DSCAM: variants seen among roughly 807,000 people sequenced by gnomAD.
DSCAM encodes the protein DS cell adhesion molecule.
DSCAM carries 47 observed loss-of-function variants against 217.7 expected under a neutral mutation model. The observed-to-expected ratio is 0.22, with a 90% CI of 0.17 to 0.28. The LOEUF (loss-of-function observed/expected upper bound fraction) is 0.28, where lower values mean the gene tolerates loss of function less well. Ranked by LOEUF, DSCAM falls within the 10% of genes least tolerant of loss-of-function variation. The probability of loss-of-function intolerance (pLI) is 1.00; values close to 1 mark genes in which losing one functional copy is unlikely to be tolerated. For synonymous variants in DSCAM, 1,056 were observed against 1,015.3 expected (o/e 1.04, Z -0.76); for missense variants, 2,080 against 2,618.3 (o/e 0.79, Z 4.49).
At position 40,295,555 on chromosome 21, in the gene DSCAM, C is replaced by T. The variant is rs772081317; in HGVS notation, c.2182+500G>A. ...GGCGTGTTTGTTTTTAAAAAGAGCA[C>T]GCCAAGGAGATGACGTGTAATCTGT... On this transcript the variant is annotated intron_variant, in intron 10 of 32. Transcript: ENST00000400454. Among the ~76,000 whole-genome samples the T allele has an allele frequency of 6.6e-5, 10 of 152,114 alleles. No individual in the cohort carries two copies. The South Asian group carries it at 1.9e-3, about 29-fold the overall frequency.
At chr21:40,369,996 C>T (rs931603783) in intron 3 of DSCAM, among the ~76,000 whole-genome samples, 1 of 152,138 alleles carries the variant, frequency 6.6e-6, no homozygotes, top group African/African-American at 2.4e-5. Flanking sequence ...AAAACAATGT[C>T]CTATCTGTAA....
intron 20 of DSCAM, among the ~76,000 whole-genome samples, chr21:40,118,135 C>A (rs941599533): frequency 6.6e-6 from 1 of 152,080 alleles, no homozygotes; most frequent in African/African-American, 2.4e-5. Flanking sequence ...GTAAAAACTG[C>A]GAAGTCATCC....
chr21:40,067,467 T>C (rs2089224094), intron 27 of DSCAM, among the ~76,000 whole-genome samples: 1 of 152,206 alleles, frequency 6.6e-6, no homozygotes, highest in Non-Finnish European at 1.5e-5. Context: ...GCTTCCCTAA[T>C]TTTTTAAGTG....
intron 11 of DSCAM, among the ~76,000 whole-genome samples, chr21:40,197,749 T>C (rs879143189): frequency 1.3e-5 from 2 of 152,138 alleles, no homozygotes; most frequent in African/African-American, 4.8e-5. Flanking sequence ...TTTCATATCA[T>C]GAGCTTGCAG....
At chr21:40,565,297 G>A (rs1248322839) in intron 3 of DSCAM, among the ~76,000 whole-genome samples, 1 of 152,154 alleles carries the variant, frequency 6.6e-6, no homozygotes, top group African/African-American at 2.4e-5. Flanking sequence ...CCATGAAGAG[G>A]AAGTTCTACT....
chr21:40,518,575 TACACA>T, intron 3 of DSCAM, among the ~76,000 whole-genome samples: 4 of 85,778 alleles, frequency 4.7e-5, no homozygotes, highest in African/African-American at 2.4e-4. Context: ...CATATATACA[TACACA>T]CACATATACA....
At chr21:40,529,541 C>CA (rs2146105366) in intron 3 of DSCAM, among the ~76,000 whole-genome samples, 1 of 152,206 alleles carries the variant, frequency 6.6e-6, no homozygotes, top group African/African-American at 2.4e-5. Context: ...ATCCCATCCT[C>CA]AGAGACTCAC....
chr21:40,265,214 AAAG>A (rs1308309956), intron 11 of DSCAM, among the ~76,000 whole-genome samples: 1 of 150,790 alleles, frequency 6.6e-6, no homozygotes, highest in Non-Finnish European at 1.5e-5. Context: ...AAGAAAAAAA[AAAG>A]AACTCAACCC....
intron 11 of DSCAM, among the ~76,000 whole-genome samples, chr21:40,265,290 C>T (rs957175309): frequency 6.6e-6 from 1 of 151,348 alleles, no homozygotes; most frequent in African/African-American, 2.4e-5. Flanking sequence ...ATATACTCTA[C>T]CAAGGAGGTG....
intron 3 of DSCAM, among the ~76,000 whole-genome samples, chr21:40,628,037 T>C (rs1355009250): frequency 6.6e-6 from 1 of 152,220 alleles, no homozygotes; most frequent in Non-Finnish European, 1.5e-5. Context: ...ACCACCTTGT[T>C]GTGTATTTAG....
intron 3 of DSCAM, among the ~76,000 whole-genome samples, chr21:40,487,326 TG>T (rs2076039014): frequency 1.4e-5 from 1 of 72,788 alleles, no homozygotes; most frequent in African/African-American, 7.4e-5. Context: ...TGTGTGTGTG[TG>T]AGAGAGAGAG....
chr21:40,354,245 T>C (rs1478501454), intron 4 of DSCAM, among the ~76,000 whole-genome samples: 2 of 152,176 alleles, frequency 1.3e-5, no homozygotes, highest in Non-Finnish European at 2.9e-5. Flanking sequence ...AAGCCAAACA[T>C]ATAATGTGAT....
intron 3 of DSCAM, among the ~76,000 whole-genome samples, chr21:40,646,428 A>G (rs4818147): frequency 0.36 from 53,361 of 146,668 alleles, 10,406 homozygotes; most frequent in Admixed American, 0.5. Context: ...AAAAAAAAAA[A>G]GGGGGGCTGT....
chr21:40,359,527 G>A (rs1315281413), intron 4 of DSCAM, among the ~76,000 whole-genome samples: 1 of 152,170 alleles, frequency 6.6e-6, no homozygotes, highest in East Asian at 1.9e-4. Flanking sequence ...AGGTACAAAT[G>A]TCCATAGCAG....
At chr21:40,302,616 A>C (rs2074029411) in intron 9 of DSCAM, among the ~76,000 whole-genome samples, 1 of 152,180 alleles carries the variant, frequency 6.6e-6, no homozygotes, top group South Asian at 2.1e-4. Context: ...ATATGGCTAA[A>C]CTTGCCAAAC....
intron 3 of DSCAM, among the ~76,000 whole-genome samples, chr21:40,682,622 A>AGAAT: frequency 2.2e-5 from 1 of 45,426 alleles, no homozygotes; most frequent in Non-Finnish European, 5.0e-5. Context: ...AAAGAGAAAG[A>AGAAT]GAAAGAGAGA....
chr21:40,591,512 G>A (rs1021346672), intron 3 of DSCAM, among the ~76,000 whole-genome samples: 5 of 152,146 alleles, frequency 3.3e-5, no homozygotes, highest in Admixed American at 6.5e-5. Context: ...TTCTATCCCA[G>A]TATGACAGAC....
At position 40,143,479 on chromosome 21, in the gene DSCAM, T is replaced by A. The variant is rs532187716; in HGVS notation, c.3260-775A>T. On this transcript the variant is annotated intron_variant, in intron 17 of 32. Transcript: ENST00000400454. ...AATTGTCAGATATTACAGGTGCAAG[T>A]CCTATCTGCCTCCGCAAACCTGTGA... Among the ~76,000 whole-genome samples, 3 of 152,338 alleles carry A rather than the reference T, an allele frequency of 2.0e-5. No homozygotes were observed. In the East Asian group the frequency reaches 5.8e-4, roughly 29 times the overall value.
At position 40,565,193 on chromosome 21, in the gene DSCAM, A is replaced by G. The variant is rs552433148; in HGVS notation, c.508+127617T>C. On this transcript the variant is annotated intron_variant, in intron 3 of 32. Coordinates refer to ENST00000400454, the MANE Select transcript of DSCAM (RefSeq NM_001389.5). ...TACCCACCATGGCTACTGGGTGTCTATAGCTGAATGGCCAATGCGGCTAAT... is the reference window on the plus strand; with the variant it reads ...TACCCACCATGGCTACTGGGTGTCTGTAGCTGAATGGCCAATGCGGCTAAT... 3.3e-5 allele frequency among the ~76,000 whole-genome samples: 5 copies of G among 152,308 alleles called. No homozygotes were observed. The South Asian group carries it at 1.0e-3, about 32-fold the overall frequency.
Sources: allele counts gnomAD v4.1 joint callset (sites outside exome capture counted in the v4.1 genomes callset), GRCh38; gene constraint gnomAD v4.1.1; transcripts MANE v1.5; gene names NCBI Gene and HGNC (gene_info 2026-07-23, HGNC 2026-07-21).